Variants in METTL13 observed in about 807,000 individuals in gnomAD.
The protein encoded by METTL13 is eEF1A lysine and N-terminal methyltransferase.
METTL13 carries 52 observed loss-of-function variants against 67.4 expected under a neutral mutation model. That is an observed-to-expected ratio of 0.77 (90% CI 0.62 to 0.97). METTL13 has a LOEUF of 0.97. Among genes scored for constraint, METTL13 ranks in the 50% least tolerant of loss-of-function variants. METTL13 has a pLI of 0.00. For missense variants in METTL13, 825 were observed against 889.6 expected (o/e 0.93, Z 0.92); for synonymous variants, 354 against 353.6 (o/e 1.00, Z -0.01).
chr1:171,796,600 G>C lies in METTL13; in HGVS notation c.1944G>C (p.Glu648Asp). 6.2e-7 allele frequency: 1 copy of C among 1,614,218 alleles called. No homozygotes were observed. The highest frequency in any genetic ancestry group is 8.5e-7 in the Non-Finnish European group (1 of 1,180,042). The change falls in exon 8 of 8, where the codon GAG becomes GAC. Residue 648 changes from glutamate (E) to aspartate (D), a missense_variant. Glu to Asp is a conservative substitution (Grantham distance 45, BLOSUM62 2). Coordinates refer to ENST00000361735, the MANE Select transcript of METTL13 (RefSeq NM_015935.5). ...YVRRIEGEVN[E>D]ILFCQLHPEQ... ...GGCGAATTGAGGGTGAAGTGAATGA[G>C]ATCCTGTTCTGTCAGCTGCACCCTG... is the stretch of plus-strand genomic sequence containing the variant.
chr1:171,793,560 A>T (rs1657273444), intron 6 of METTL13, among the ~76,000 whole-genome samples: 1 of 152,244 alleles, frequency 6.6e-6, no homozygotes, highest in African/African-American at 2.4e-5. Flanking sequence ...AATGATAAGC[A>T]TGCAGCAGTC....
chr1:171,787,287 A>T (rs950138682), intron 3 of METTL13, among the ~76,000 whole-genome samples: 15 of 152,186 alleles, frequency 9.9e-5, no homozygotes, highest in Admixed American at 2.6e-4. Flanking sequence ...AGATGAGAAT[A>T]ATCAGGGGAA....
In METTL13 at chr1:171,781,881, G is replaced by C. The variant is rs1199792389; in HGVS notation, c.-87G>C. 47 of 1,572,556 alleles carry C rather than the reference G, an allele frequency of 3.0e-5. No homozygotes were observed. The highest frequency in any genetic ancestry group is 1.7e-4 in the Middle Eastern group (1 of 5,854). ...GAAAGAATTCCCACTGCAGTGTCCCGGAGCCTGCGTGTGGTGGGCAAGCTC... is the reference window on the plus strand; with the variant it reads ...GAAAGAATTCCCACTGCAGTGTCCCCGAGCCTGCGTGTGGTGGGCAAGCTC... On this transcript the variant is annotated 5_prime_UTR_variant, in exon 1 of 8. Transcript: ENST00000361735.
chr1:171,794,500 A>G lies in METTL13; in HGVS notation c.1798A>G (p.Lys600Glu), dbSNP rs371081946. ...PAFVEQSFLQ[K>E]VKSILTPEGV... is the part of the protein sequence containing the mutation. ...ATTTGTGGAGCAATCTTTTCTACAG[A>G]AGGTTAAAAGCATCTTGACTCCTGA... The change falls in exon 7 of 8, where the codon AAG becomes GAG. Residue 600 changes from lysine (K) to glutamate (E), a missense_variant. Transcript: ENST00000361735. 4.3e-6 allele frequency: 7 copies of G among 1,614,218 alleles called. No individual in the cohort carries two copies. In the South Asian group the frequency reaches 5.5e-5, roughly 13 times the overall value.
intron 4 of METTL13, among the ~76,000 whole-genome samples, chr1:171,788,696 A>G (rs1202151468): frequency 1.3e-5 from 2 of 152,210 alleles, no homozygotes; most frequent in Non-Finnish European, 2.9e-5. Flanking sequence ...AATCACTTCA[A>G]AAGTCAAATA....
chr1:171,784,315 C>G lies in METTL13; in HGVS notation c.729C>G (p.Ala243=). Residue 243 remains alanine, a synonymous_variant, in exon 2 of 8, where the codon GCC becomes GCG. Coordinates refer to ENST00000361735, the MANE Select transcript of METTL13 (RefSeq NM_015935.5). ...GGCTGGAGAGTGCCGAGCGGCTGGC[C>G]GAGGCGGTGCAGGAGCGACAGCAGT... ...PVRLESAERL[A]EAVQERQQYA... is the part of the protein sequence containing the mutation. 1 of 1,603,746 alleles carries G rather than the reference C, an allele frequency of 6.2e-7. No individual in the cohort carries two copies. The highest frequency in any genetic ancestry group is 1.3e-5 in the African/African-American group (1 of 74,908).
At chr1:171,788,877 C>T (rs532347320) in intron 4 of METTL13, among the ~76,000 whole-genome samples, 1 of 152,270 alleles carries the variant, frequency 6.6e-6, no homozygotes, top group Non-Finnish European at 1.5e-5. Context: ...AGGGTGGAGA[C>T]AGAGAATTCA....
intron 1 of METTL13, among the ~76,000 whole-genome samples, chr1:171,782,483 G>T (rs1656859618): frequency 6.6e-6 from 1 of 151,846 alleles, no homozygotes; most frequent in Non-Finnish European, 1.5e-5. Context: ...CGGGAGGATC[G>T]CTTGAGCCCA....
intron 2 of METTL13, among the ~76,000 whole-genome samples, chr1:171,784,948 A>T (rs932726562): frequency 2.6e-5 from 4 of 152,160 alleles, no homozygotes; most frequent in Admixed American, 2.6e-4. Flanking sequence ...CTTCTCTGCA[A>T]AATTTGGAGA....
At chr1:171,791,886 A>G in intron 5 of METTL13, 131 bp from the exon 6 acceptor site, 2 of 825,276 alleles carry the variant, frequency 2.4e-6, no homozygotes, top group Middle Eastern at 3.7e-4. Context: ...GAAATGAGAC[A>G]GGGAGACCTC....
chr1:171,784,705 G>A (rs935815698), intron 2 of METTL13, among the ~76,000 whole-genome samples: 1 of 152,234 alleles, frequency 6.6e-6, no homozygotes, highest in African/African-American at 2.4e-5. Flanking sequence ...CCTACTTGGA[G>A]TTGAGACCTA....
intron 2 of METTL13, 33 bp downstream of exon 2, chr1:171,784,532 G>A (rs749212246): frequency 1.7e-4 from 244 of 1,477,376 alleles, no homozygotes; most frequent in Non-Finnish European, 2.1e-4. Context: ...CTTCCCTGGA[G>A]GGGCTGGCTT....
In METTL13 at chr1:171,781,785, G is replaced by T; in HGVS notation, c.-183G>T. 7.1e-7 allele frequency: 1 copy of T among 1,417,138 alleles called. No individual in the cohort carries two copies. The highest frequency in any genetic ancestry group is 9.2e-7 in the Non-Finnish European group (1 of 1,085,738). The allele number at this position is 1,417,138 out of a possible 1,614,324, so 87.8% of individuals were successfully genotyped here. ...GTGTGAGATTCAGTGGTCCATGCGT[G>T]CGTTTGTCGTGTAAGGGTCATTCCT... is the stretch of plus-strand genomic sequence containing the variant. On this transcript the variant is annotated 5_prime_UTR_variant, in exon 1 of 8. Transcript: ENST00000361735.
chr1:171,789,771 T>C (rs953519132), intron 4 of METTL13, among the ~76,000 whole-genome samples: 7 of 150,502 alleles, frequency 4.7e-5, no homozygotes, highest in Non-Finnish European at 8.9e-5. Flanking sequence ...AGTGTGCATT[T>C]GCCATTTCCT....
At chr1:171,793,362 C>T (rs1181099724) in intron 6 of METTL13, among the ~76,000 whole-genome samples, 1 of 152,200 alleles carries the variant, frequency 6.6e-6, no homozygotes, top group Non-Finnish European at 1.5e-5. Context: ...AGTACTTAAT[C>T]CATGATGTTA....
At position 171,796,830 on chromosome 1, in the gene METTL13, A is replaced by G. The variant is rs541018190; in HGVS notation, c.*74A>G. 6.1e-5 allele frequency: 93 copies of G among 1,530,486 alleles called. No individual in the cohort carries two copies. In the African/African-American group the frequency reaches 1.1e-3, roughly 19 times the overall value. The allele number at this position is 1,530,486 out of a possible 1,614,324, so 94.8% of individuals were successfully genotyped here. ...GCCTGCCAGAGAATGAAGAAATACA[A>G]CGCACAGTACTTTTGAAGCTTCGTA... On this transcript the variant is annotated 3_prime_UTR_variant, in exon 8 of 8. Coordinates refer to ENST00000361735, the MANE Select transcript of METTL13 (RefSeq NM_015935.5).
chr1:171,782,590 G>A (rs1656865280), intron 1 of METTL13, among the ~76,000 whole-genome samples: 1 of 150,358 alleles, frequency 6.7e-6, no homozygotes, highest in Non-Finnish European at 1.5e-5. Context: ...TTTCTTTAAA[G>A]GTTTTCAGAT....
intron 4 of METTL13, among the ~76,000 whole-genome samples, chr1:171,789,848 T>TGGGGG (rs1657143949): frequency 1.0e-4 from 10 of 99,396 alleles, no homozygotes; most frequent in Non-Finnish European, 1.5e-4. Flanking sequence ...TGGGGCGGGG[T>TGGGGG]AGGGGGGGCA....
rs1326863317 is a variant in METTL13 at position 171,797,008 on chromosome 1, A to T, written c.*252A>T. 1 of 480,218 alleles carries T rather than the reference A, an allele frequency of 2.1e-6. No homozygotes were observed. Among genetic ancestry groups the T allele is most frequent in the Non-Finnish European group, 3.8e-6 (1 of 263,812 alleles). 29.7% of individuals were successfully genotyped at this position (480,218 alleles called of 1,614,324 possible). A position where few individuals can be genotyped will look rare whatever the true frequency, so the allele number is the denominator to read the frequency against. On this transcript the variant is annotated 3_prime_UTR_variant, in exon 8 of 8. Transcript: ENST00000361735. ...CTTCCTACACCACGTCCTTGAGTGG[A>T]GTTCCCTGCTGAAGCCCCTAGCACA...
Sources: allele counts gnomAD v4.1 joint callset (sites outside exome capture counted in the v4.1 genomes callset), GRCh38; gene constraint gnomAD v4.1.1; transcripts MANE v1.5; gene names NCBI Gene and HGNC (gene_info 2026-07-23, HGNC 2026-07-21).